LOC400499: variants seen among roughly 807,000 people sequenced by gnomAD.
the LOC400499 span, among the ~76,000 whole-genome samples, chr16:11,456,215 T>C: frequency 6.6e-6 from 1 of 152,050 alleles, no homozygotes; most frequent in African/African-American, 2.4e-5. Context: ...TGGCTAATTT[T>C]TGTATTTTTA....
At chr16:11,384,966 C>G in the LOC400499 span, 1 of 1,232,228 alleles carries the variant, frequency 8.1e-7, no homozygotes, top group Non-Finnish European at 1.0e-6. Flanking sequence ...TCCTCGCTGG[C>G]CAGCTCAATC....
At chr16:11,436,784 G>C in the LOC400499 span, among the ~76,000 whole-genome samples, 1 of 151,806 alleles carries the variant, frequency 6.6e-6, no homozygotes, top group Non-Finnish European at 1.5e-5. Flanking sequence ...AGTAGAGATG[G>C]GGTTTCACCA....
chr16:11,376,431 C>A, the LOC400499 span, among the ~76,000 whole-genome samples: 1 of 151,930 alleles, frequency 6.6e-6, no homozygotes, highest in African/African-American at 2.4e-5. Context: ...GTTTTCCCAA[C>A]ACCATTTGTT....
At chr16:11,397,917 G>T in the LOC400499 span, among the ~76,000 whole-genome samples, 1 of 152,066 alleles carries the variant, frequency 6.6e-6, no homozygotes, top group African/African-American at 2.4e-5. Flanking sequence ...AAGGAGGATG[G>T]AAGGATGCGT....
At chr16:11,442,545 A>G in the LOC400499 span, 3 of 152,232 alleles carry the variant, frequency 2.0e-5, no homozygotes, top group Non-Finnish European at 4.4e-5. Flanking sequence ...TAAAAAGAGC[A>G]GACAGCTAAA....
chr16:11,521,828 A>G, the LOC400499 span: 38 of 396,920 alleles, frequency 9.6e-5, no homozygotes, highest in Admixed American at 1.1e-3. Context: ...CTTGCCAAAT[A>G]TAAGATTCCT....
At chr16:11,448,491 A>G in the LOC400499 span, among the ~76,000 whole-genome samples, 2 of 152,042 alleles carry the variant, frequency 1.3e-5, no homozygotes, top group African/African-American at 2.4e-5. Flanking sequence ...CCAGCCTGGG[A>G]AACAGCAATA....
At chr16:11,518,463 G>T in the LOC400499 span, among the ~76,000 whole-genome samples, 1 of 152,014 alleles carries the variant, frequency 6.6e-6, no homozygotes, top group East Asian at 1.9e-4. Flanking sequence ...GTCGGGGAGG[G>T]GAAAAGGCAG....
chr16:11,423,417 C>G, the LOC400499 span, among the ~76,000 whole-genome samples: 9 of 152,328 alleles, frequency 5.9e-5, no homozygotes, highest in African/African-American at 2.2e-4. Context: ...AGGGCGAAGC[C>G]ACGGCATCAT....
the LOC400499 span, among the ~76,000 whole-genome samples, chr16:11,410,259 G>T: frequency 6.6e-6 from 1 of 152,202 alleles, no homozygotes; most frequent in Non-Finnish European, 1.5e-5. Flanking sequence ...TTTGCGACCA[G>T]CCTGGATATC....
chr16:11,519,585 A>G, the LOC400499 span, among the ~76,000 whole-genome samples: 1 of 152,128 alleles, frequency 6.6e-6, no homozygotes, highest in African/African-American at 2.4e-5. Flanking sequence ...TTTTAAAATA[A>G]ATAAACAATA....
the LOC400499 span, among the ~76,000 whole-genome samples, chr16:11,390,666 C>A: frequency 6.6e-6 from 1 of 152,196 alleles, no homozygotes; most frequent in Admixed American, 6.5e-5. Context: ...GCAAGGCCTG[C>A]TTATAAGGTT....
At chr16:11,469,856 G>T in the LOC400499 span, among the ~76,000 whole-genome samples, 1 of 152,164 alleles carries the variant, frequency 6.6e-6, no homozygotes, top group African/African-American at 2.4e-5. Flanking sequence ...AACGGCCAGG[G>T]AGAAGCGGCT....
At chr16:11,407,970 GTTTTTT>G in the LOC400499 span, among the ~76,000 whole-genome samples, 1 of 63,416 alleles carries the variant, frequency 1.6e-5, no homozygotes, top group African/African-American at 5.9e-5. Context: ...TTCCAGAGCT[GTTTTTT>G]TTTTTTTTTT....
chr16:11,508,940 C>G, the LOC400499 span: 6 of 397,416 alleles, frequency 1.5e-5, no homozygotes, highest in Admixed American at 4.4e-5. Context: ...GCCCCCACCC[C>G]CTCCAGTGCT....
the LOC400499 span, among the ~76,000 whole-genome samples, chr16:11,382,561 G>A: frequency 6.7e-6 from 1 of 149,818 alleles, no homozygotes; most frequent in South Asian, 2.1e-4. Context: ...TTTGGTCACA[G>A]AAGTCATCTG....
chr16:11,422,874 C>G, the LOC400499 span, among the ~76,000 whole-genome samples: 3 of 152,208 alleles, frequency 2.0e-5, no homozygotes, highest in Non-Finnish European at 2.9e-5. Context: ...CACCGCCAGC[C>G]CAGCTGCCCA....
At chr16:11,385,601 C>T in the LOC400499 span, among the ~76,000 whole-genome samples, 2 of 152,250 alleles carry the variant, frequency 1.3e-5, no homozygotes, top group African/African-American at 2.4e-5. Context: ...TTCAAGATGA[C>T]ATGAGCTGAA....
chr16:11,485,003 T>G, the LOC400499 span: 1 of 399,000 alleles, frequency 2.5e-6, no homozygotes, highest in African/African-American at 2.1e-5. Context: ...CCCGTCTTCC[T>G]GACCCCAGAA....
Sources: allele counts gnomAD v4.1 joint callset (sites outside exome capture counted in the v4.1 genomes callset), GRCh38; gene constraint gnomAD v4.1.1; transcripts MANE v1.5.